Variants in RAB15 observed in about 807,000 individuals in gnomAD.
RAB15 encodes the protein RAB15, member RAS oncogene family.
In RAB15, 13 loss-of-function variants were observed where a neutral mutation model predicts 31.8. That is an observed-to-expected ratio of 0.41 (90% CI 0.27 to 0.65). RAB15 has a LOEUF of 0.65. Ranked by LOEUF, RAB15 falls within the 30% of genes least tolerant of loss-of-function variation. RAB15 has a pLI of 0.32. For missense variants in RAB15, 220 were observed against 277.3 expected (o/e 0.79, Z 1.47); for synonymous variants, 100 against 105.6 (o/e 0.95, Z 0.33).
rs759976865 is a variant in RAB15 at position 64,954,717 on chromosome 14, G to C, written c.125-2146C>G. On this transcript the variant is annotated intron_variant, in intron 1 of 6. Transcript: ENST00000533601. The surrounding 1 kb of genome is among the most constrained non-coding windows in gnomAD (Gnocchi z 4.3). ...CAGCACGTGCAGAGATTCCAACACA[G>C]GTCCATCTATGCTGGAACCCACGCT... Among the ~76,000 whole-genome samples, 2 of 152,216 alleles carry C rather than the reference G, an allele frequency of 1.3e-5. No homozygotes were observed. Among genetic ancestry groups the C allele is most frequent in the African/African-American group, 2.4e-5 (1 of 41,456 alleles).
At position 64,946,821 on chromosome 14, in the gene RAB15, G is replaced by A. The variant is rs1885946854; in HGVS notation, c.*1533C>T. The A allele has an allele frequency of 6.6e-6, 1 of 151,872 alleles. No individual in the cohort carries two copies. The highest frequency in any genetic ancestry group is 6.6e-5 in the Admixed American group (1 of 15,242). 9.4% of individuals were successfully genotyped at this position (151,872 alleles called of 1,614,324 possible). Reference sequence around the variant, plus strand: ...CCTCTTCCTAGGCCTCGCCCACCTTGGGACGGTGGGCAGGAACCCCAGTAG... The same window carrying A: ...CCTCTTCCTAGGCCTCGCCCACCTTAGGACGGTGGGCAGGAACCCCAGTAG... On this transcript the variant is annotated 3_prime_UTR_variant, in exon 7 of 7. Coordinates refer to ENST00000533601, the MANE Select transcript of RAB15 (RefSeq NM_001308154.2).
rs1446964836 is a variant in RAB15 at position 64,951,668 on chromosome 14, A to G, written c.186-5T>C. 2 of 1,613,932 alleles carry G rather than the reference A, an allele frequency of 1.2e-6. No individual in the cohort carries two copies. The highest frequency in any genetic ancestry group is 1.7e-6 in the Non-Finnish European group (2 of 1,179,774). On this transcript the variant is annotated splice_region_variant and splice_polypyrimidine_tract_variant and intron_variant, in intron 2 of 6. Coordinates refer to ENST00000533601, the MANE Select transcript of RAB15 (RefSeq NM_001308154.2). The surrounding 1 kb of genome is among the most constrained non-coding windows in gnomAD (Gnocchi z 7.2). ...CTCTCCTGCCCTGCAGTGTCCCTGC[A>G]GGAGAAAGCCAGTCCCTCAGAGGAG...
Position 64,970,559 on chromosome 14 carries a change from A to G in RAB15, c.124+1394T>C, listed in dbSNP as rs1388467924. On this transcript the variant is annotated intron_variant, in intron 1 of 6. Transcript: ENST00000533601. This position sits in a 1 kb window ranked among gnomAD's most constrained non-coding sequence, Gnocchi z 4.1. ...TTCAAGTTGGTGAAACAAAGAGAGG[A>G]GACCCTAAAAGCTCAATGATAATGG... 6.6e-6 allele frequency among the ~76,000 whole-genome samples: 1 copy of G among 152,248 alleles called. No homozygotes were observed. Among genetic ancestry groups the G allele is most frequent in the African/African-American group, 2.4e-5 (1 of 41,456 alleles).
chr14:64,971,957 G>GGTGGAGAT lies in RAB15; in HGVS notation c.112_119dup (p.Ile41SerfsTer10). The GGTGGAGAT allele has an allele frequency of 6.3e-7, 1 of 1,576,478 alleles. No individual in the cohort carries two copies. Among genetic ancestry groups the GGTGGAGAT allele is most frequent in the Non-Finnish European group, 8.6e-7 (1 of 1,161,694 alleles). On this transcript the variant is annotated frameshift_variant, in exon 1 of 7. Coordinates refer to ENST00000533601, the MANE Select transcript of RAB15 (RefSeq NM_001308154.2). LOFTEE classifies it high-confidence loss of function. This position sits in a 1 kb window ranked among gnomAD's most constrained non-coding sequence, Gnocchi z 4.1. Reference sequence around the variant, plus strand: ...CCCCGGGCCACCGCCCCTTACCGATGGTGGAGATGTGCGAGGAGTGGAACT... The same window carrying GGTGGAGAT: ...CCCCGGGCCACCGCCCCTTACCGATGGTGGAGATGTGGAGATGTGCGAGGAGTGGAACT...
Position 64,958,507 on chromosome 14 carries a change from T to C in RAB15, c.125-5936A>G, listed in dbSNP as rs1346316837. On this transcript the variant is annotated intron_variant, in intron 1 of 6. Transcript: ENST00000533601. This position sits in a 1 kb window ranked among gnomAD's most constrained non-coding sequence, Gnocchi z 4.4. ...CTCTGAGCAATACATTTCTCTTGCT[T>C]TAAATTACTCAGCTAAAGGCATTTT... 1.3e-5 allele frequency among the ~76,000 whole-genome samples: 2 copies of C among 152,120 alleles called. No homozygotes were observed. Among genetic ancestry groups the C allele is most frequent in the Non-Finnish European group, 2.9e-5 (2 of 68,020 alleles).
At chr14:64,959,455 A>G (rs961405205) in intron 1 of RAB15, among the ~76,000 whole-genome samples, 1 of 152,238 alleles carries the variant, frequency 6.6e-6, no homozygotes, top group African/African-American at 2.4e-5. Context: ...TAAGGGGCAG[A>G]GAATACATTT....
Position 64,953,859 on chromosome 14 carries a change from T to G in RAB15, c.125-1288A>C. ...CCACAGTTTTCAGATGGGAACATGG[T>G]AGAGTTCCGAACCGTCTGCCACCAG... On this transcript the variant is annotated intron_variant, in intron 1 of 6. Coordinates refer to ENST00000533601, the MANE Select transcript of RAB15 (RefSeq NM_001308154.2). This position sits in a 1 kb window ranked among gnomAD's most constrained non-coding sequence, Gnocchi z 4.6. The G allele has an allele frequency of 1.0e-6, 1 of 985,290 alleles. No homozygotes were observed. The highest frequency in any genetic ancestry group is 4.7e-5 in the South Asian group (1 of 21,276). The allele number at this position is 985,290 out of a possible 1,614,324, so 61.0% of individuals were successfully genotyped here.
At position 64,972,022 on chromosome 14, in the gene RAB15, C is replaced by G; in HGVS notation, c.55G>C (p.Val19Leu). Residue 19 changes from valine to leucine, a missense_variant, in exon 1 of 7, where the codon GTG becomes CTG. By Grantham distance (32) the Val-to-Leu change is conservative (BLOSUM62 1). Transcript: ENST00000533601. This position sits in a 1 kb window ranked among gnomAD's most constrained non-coding sequence, Gnocchi z 6.3. ...FRLLLIGDSGVGKTCLLCRFT... is the reference protein window; with the variant it reads ...FRLLLIGDSGLGKTCLLCRFT... ...CGGCACAGCAGGCAGGTCTTGCCCA[C>G]CCCGGAGTCCCCGATCAGCAGCAGC... 6.2e-7 allele frequency: 1 copy of G among 1,609,852 alleles called. No individual in the cohort carries two copies. The highest frequency in any genetic ancestry group is 1.7e-4 in the Middle Eastern group (1 of 6,052).
rs1340286013 is a variant in RAB15 at position 64,962,506 on chromosome 14, A to C, written c.124+9447T>G. Among the ~76,000 whole-genome samples, 1 of 152,246 alleles carries C rather than the reference A, an allele frequency of 6.6e-6. No individual in the cohort carries two copies. Among genetic ancestry groups the C allele is most frequent in the South Asian group, 2.1e-4 (1 of 4,836 alleles). On this transcript the variant is annotated intron_variant, in intron 1 of 6. Transcript: ENST00000533601. This position sits in a 1 kb window ranked among gnomAD's most constrained non-coding sequence, Gnocchi z 4.2. Reference sequence around the variant, plus strand: ...ACCTAATTTCAGAGAGCCATATGTGATAAGAAGCAACTGCGGGATAAAGTA... The same window carrying C: ...ACCTAATTTCAGAGAGCCATATGTGCTAAGAAGCAACTGCGGGATAAAGTA...
chr14:64,964,761 G>C (rs58039814), intron 1 of RAB15, among the ~76,000 whole-genome samples: 2 of 151,806 alleles, frequency 1.3e-5, no homozygotes, highest in Admixed American at 6.6e-5. Flanking sequence ...ATTTTTAGTA[G>C]AGATGAGGTT....
chr14:64,947,174 G>A lies in RAB15; in HGVS notation c.*1180C>T, dbSNP rs45603938. 1,185 of 152,576 alleles carry A rather than the reference G, an allele frequency of 7.8e-3. 4 individuals carry two copies. The highest frequency in any genetic ancestry group is 9.6e-3 in the Non-Finnish European group (651 of 68,026). 9.5% of individuals were successfully genotyped at this position (152,576 alleles called of 1,614,324 possible). A position where few individuals can be genotyped will look rare whatever the true frequency, so the allele number is the denominator to read the frequency against. ...TGCTGAAGGCTAGGCTCAGTCCTCCGCCTGGGAGTCTGAGGAAATGCTCTT... is the reference window on the plus strand; with the variant it reads ...TGCTGAAGGCTAGGCTCAGTCCTCCACCTGGGAGTCTGAGGAAATGCTCTT... On this transcript the variant is annotated 3_prime_UTR_variant, in exon 7 of 7. Transcript: ENST00000533601. This position sits in a 1 kb window ranked among gnomAD's most constrained non-coding sequence, Gnocchi z 5.6.
chr14:64,948,748 C>T lies in RAB15; in HGVS notation c.415-15G>A. 6.2e-7 allele frequency: 1 copy of T among 1,609,618 alleles called. No homozygotes were observed. Among genetic ancestry groups the T allele is most frequent in the Non-Finnish European group, 8.5e-7 (1 of 1,177,246 alleles). ...TCCTTCGCCAGCTGCAAGAGAAGGA[C>T]ATTTCTGAAAGAGAGTCAGTAAGGC... On this transcript the variant is annotated splice_polypyrimidine_tract_variant and intron_variant, in intron 5 of 6. Coordinates refer to ENST00000533601, the MANE Select transcript of RAB15 (RefSeq NM_001308154.2). This position sits in a 1 kb window ranked among gnomAD's most constrained non-coding sequence, Gnocchi z 7.0.
chr14:64,949,882 C>A (rs1209558054), intron 5 of RAB15, among the ~76,000 whole-genome samples: 1 of 152,136 alleles, frequency 6.6e-6, no homozygotes, highest in Non-Finnish European at 1.5e-5. Context: ...TTTGTCTCCT[C>A]ATTTGCCTCC....
At chr14:64,961,119 A>G (rs1446386917) in intron 1 of RAB15, among the ~76,000 whole-genome samples, 1 of 152,190 alleles carries the variant, frequency 6.6e-6, no homozygotes, top group Non-Finnish European at 1.5e-5. Context: ...AGACTCCACA[A>G]CGAGGAACAA....
chr14:64,962,944 T>A lies in RAB15; in HGVS notation c.124+9009A>T, dbSNP rs1886934861. Among the ~76,000 whole-genome samples the A allele has an allele frequency of 6.6e-6, 1 of 152,136 alleles. No homozygotes were observed. The highest frequency in any genetic ancestry group is 2.4e-5 in the African/African-American group (1 of 41,436). ...CCTGAAGAATACACCAAGAAACTTC[T>A]CAAATGCCAGCAAGGCCAACTTCAG... On this transcript the variant is annotated intron_variant, in intron 1 of 6. Transcript: ENST00000533601. This position sits in a 1 kb window ranked among gnomAD's most constrained non-coding sequence, Gnocchi z 4.2.
chr14:64,965,123 G>T (rs1429460751), intron 1 of RAB15, among the ~76,000 whole-genome samples: 1 of 152,098 alleles, frequency 6.6e-6, no homozygotes, highest in Non-Finnish European at 1.5e-5. Context: ...TTTAAAAAGT[G>T]TTTTTGTTTT....
Position 64,951,791 on chromosome 14 carries a change from TC to T in RAB15, c.186-129del. On this transcript the variant is annotated intron_variant, in intron 2 of 6. Transcript: ENST00000533601. This position sits in a 1 kb window ranked among gnomAD's most constrained non-coding sequence, Gnocchi z 7.2. Reference sequence around the variant, plus strand: ...GGGTGAAAAACCAGGGATGCTTGGATCCCCACAGGGATCTGCAGTCAGAGGC... The same window carrying T: ...GGGTGAAAAACCAGGGATGCTTGGATCCCACAGGGATCTGCAGTCAGAGGC... 1 of 784,344 alleles carries T rather than the reference TC, an allele frequency of 1.3e-6. No individual in the cohort carries two copies. Among genetic ancestry groups the T allele is most frequent in the Non-Finnish European group, 2.2e-6 (1 of 452,888 alleles). The allele number at this position is 784,344 out of a possible 1,614,324, so 48.6% of individuals were successfully genotyped here. A position where few individuals can be genotyped will look rare whatever the true frequency, so the allele number is the denominator to read the frequency against.
At chr14:64,959,203 A>G (rs557773709) in intron 1 of RAB15, among the ~76,000 whole-genome samples, 1 of 152,336 alleles carries the variant, frequency 6.6e-6, no homozygotes, top group East Asian at 1.9e-4. Context: ...GGATCCTAGC[A>G]CAGCCATGGG....
At chr14:64,959,848 CAAAAAAAAA>C (rs34981340) in intron 1 of RAB15, among the ~76,000 whole-genome samples, 1 of 42,068 alleles carries the variant, frequency 2.4e-5, no homozygotes, top group Non-Finnish European at 4.3e-5. Context: ...GACCCTGTCT[CAAAAAAAAA>C]AAAAAAAAAA....
Sources: allele counts gnomAD v4.1 joint callset (sites outside exome capture counted in the v4.1 genomes callset), GRCh38; gene constraint gnomAD v4.1.1; non-coding constraint Gnocchi (gnomAD v3.1); transcripts MANE v1.5; gene names NCBI Gene and HGNC (gene_info 2026-07-23, HGNC 2026-07-21).